Variants in PICALM observed in about 807,000 individuals in gnomAD.
PICALM encodes the protein phosphatidylinositol-binding clathrin assembly protein.
In PICALM, 40 loss-of-function variants were observed where a neutral mutation model predicts 80.5. The observed-to-expected ratio is 0.50, with a 90% confidence interval of 0.39 to 0.65. The LOEUF (loss-of-function observed/expected upper bound fraction) is 0.65. Ranked by LOEUF, PICALM falls within the 30% of genes least tolerant of loss-of-function variation. PICALM has a pLI of 0.00. For missense variants in PICALM, 676 were observed against 778.9 expected (o/e 0.87, Z 1.57); for synonymous variants, 288 against 260.3 (o/e 1.11, Z -1.02).
At chr11:85,968,947 AACACACACAC>A (rs57641869) in intron 19 of PICALM, among the ~76,000 whole-genome samples, 1,723 of 144,088 alleles carry the variant, frequency 0.012, 16 homozygotes, top group South Asian at 0.028. Context: ...AAAATGACTC[AACACACACAC>A]ACACACACAC....
intron 4 of PICALM, among the ~76,000 whole-genome samples, chr11:86,017,062 A>G (rs1381812968): frequency 2.0e-5 from 3 of 152,094 alleles, no homozygotes; most frequent in Admixed American, 6.5e-5. Flanking sequence ...TCTCTACTAA[A>G]AAATACAAAA....
At position 86,011,091 on chromosome 11, in the gene PICALM, T is replaced by A. The variant is rs748011602; in HGVS notation, c.704A>T (p.Asp235Val). Residue 235 changes from aspartate (D) to valine (V), a missense_variant, in exon 7 of 20, where the codon GAC becomes GTC. Asp to Val is a radical substitution (Grantham distance 152). This residue lies in a region of PICALM where 285 missense variants were observed against 395.4 expected (regional missense o/e 0.72). Transcript: ENST00000393346. ...CCTAGTTAGGAACTTCTTATAGATG[T>A]CAAGACCTTCTTTGCATTGGTTCTT... is the stretch of plus-strand genomic sequence containing the variant. ...MKKNQCKEGL[D>V]IYKKFLTRMT... 1.3e-6 allele frequency: 2 copies of A among 1,538,218 alleles called. No individual in the cohort carries two copies. Among genetic ancestry groups the A allele is most frequent in the East Asian group, 2.3e-5 (1 of 44,274 alleles).
At chr11:86,002,950 G>A (rs1041940009) in intron 9 of PICALM, among the ~76,000 whole-genome samples, 1 of 152,086 alleles carries the variant, frequency 6.6e-6, no homozygotes, top group African/African-American at 2.4e-5. Flanking sequence ...GGTGGAAGTT[G>A]CAAGTGAGTT....
chr11:86,024,437 C>T (rs542080888), intron 3 of PICALM, among the ~76,000 whole-genome samples: 167 of 134,878 alleles, frequency 1.2e-3, no homozygotes, highest in African/African-American at 4.3e-3. Context: ...AAAAAATTCC[C>T]CTGATCTTTT....
intron 2 of PICALM, among the ~76,000 whole-genome samples, chr11:86,028,386 A>C (rs1051492834): frequency 6.6e-6 from 1 of 152,232 alleles, no homozygotes; most frequent in Non-Finnish European, 1.5e-5. Context: ...TATTGTGTAT[A>C]TTAGAAACTT....
intron 12 of PICALM, among the ~76,000 whole-genome samples, chr11:85,995,064 A>G (rs2094915828): frequency 6.6e-6 from 1 of 152,204 alleles, no homozygotes; most frequent in South Asian, 2.1e-4. Context: ...CTTTAATTTT[A>G]AAAATTAAAA....
At chr11:85,985,436 A>AC (rs749904886) in intron 13 of PICALM, among the ~76,000 whole-genome samples, 2 of 152,224 alleles carry the variant, frequency 1.3e-5, no homozygotes, top group Non-Finnish European at 2.9e-5. Flanking sequence ...TAGAGAATGT[A>AC]CCAGTTTGAT....
chr11:86,047,772 G>A (rs755165913), intron 1 of PICALM, among the ~76,000 whole-genome samples: 1 of 152,148 alleles, frequency 6.6e-6, no homozygotes, highest in Non-Finnish European at 1.5e-5. Flanking sequence ...ATAAGCCCAA[G>A]GACAGGAAGC....
At chr11:86,052,890 G>C (rs1206685818) in intron 1 of PICALM, among the ~76,000 whole-genome samples, 2 of 152,150 alleles carry the variant, frequency 1.3e-5, no homozygotes, top group East Asian at 3.8e-4. Flanking sequence ...AAATCTCTTT[G>C]TTCCTCAAAC....
chr11:85,991,287 G>C (rs1479966268), intron 12 of PICALM, among the ~76,000 whole-genome samples: 1 of 152,078 alleles, frequency 6.6e-6, no homozygotes, highest in Non-Finnish European at 1.5e-5. Flanking sequence ...ATTAAAATAA[G>C]AGGATACTCC....
intron 8 of PICALM, 134 bp downstream of exon 8, chr11:86,007,408 T>C: frequency 3.5e-6 from 2 of 577,500 alleles, no homozygotes; most frequent in East Asian, 3.4e-5. Context: ...TCTTCAGGAA[T>C]ACATCAAAAT....
intron 19 of PICALM, 69 bp from the exon 20 acceptor site, chr11:85,959,129 T>C: frequency 8.8e-7 from 1 of 1,131,196 alleles, no homozygotes. Context: ...AAAAATGCTT[T>C]GTGGTCTTTA....
intron 1 of PICALM, among the ~76,000 whole-genome samples, chr11:86,051,794 G>A (rs1255266867): frequency 6.6e-6 from 1 of 152,134 alleles, no homozygotes; most frequent in African/African-American, 2.4e-5. Context: ...TGTGAGCTAA[G>A]AAGCTCCCCT....
At position 86,032,420 on chromosome 11, in the gene PICALM, C is replaced by T. The variant is rs139075858; in HGVS notation, c.131-809G>A. Among the ~76,000 whole-genome samples the T allele has an allele frequency of 3.5e-4, 53 of 152,196 alleles. 1 individual carries two copies. In the East Asian group the frequency reaches 8.5e-3, roughly 24 times the overall value. On this transcript the variant is annotated intron_variant, in intron 1 of 19. Coordinates refer to ENST00000393346, the MANE Select transcript of PICALM (RefSeq NM_007166.4). ...GGTGGATCACCCAAGATCAGGAGTT[C>T]GAGACCAGCCTGGCCAATATGCTGA...
At chr11:86,063,642 G>GA (rs1279321013) in intron 1 of PICALM, among the ~76,000 whole-genome samples, 1 of 151,928 alleles carries the variant, frequency 6.6e-6, no homozygotes, top group East Asian at 1.9e-4. Flanking sequence ...CATGGCGACA[G>GA]AAAAAATAAA....
intron 19 of PICALM, among the ~76,000 whole-genome samples, chr11:85,963,378 A>C (rs918635078): frequency 6.6e-6 from 1 of 152,134 alleles, no homozygotes; most frequent in African/African-American, 2.4e-5. Flanking sequence ...ACAAAACAAA[A>C]ACAAAAAGAG....
At chr11:86,028,732 T>G (rs2095694448) in intron 2 of PICALM, among the ~76,000 whole-genome samples, 1 of 152,172 alleles carries the variant, frequency 6.6e-6, no homozygotes, top group Admixed American at 6.5e-5. Flanking sequence ...CCTTACCTTT[T>G]GAGATTTTTC....
At chr11:85,997,802 GACAAGAGTCTC>G (rs1466793779) in intron 11 of PICALM, among the ~76,000 whole-genome samples, 1 of 150,968 alleles carries the variant, frequency 6.6e-6, no homozygotes, top group Non-Finnish European at 1.5e-5. Flanking sequence ...CTTTTTTTGA[GACAAGAGTCTC>G]ACTCTGTTGT....
intron 1 of PICALM, among the ~76,000 whole-genome samples, chr11:86,062,859 TACTAAGACAGA>T (rs2137750911): frequency 6.6e-6 from 1 of 152,274 alleles, no homozygotes; most frequent in South Asian, 2.1e-4. Context: ...ACTGGGAACA[TACTAAGACAGA>T]ACACAAAGTA....
Sources: gnomAD v4.1 joint callset for allele counts (sites outside exome capture counted in the v4.1 genomes callset) on GRCh38, gnomAD v4.1.1 for gene constraint, gnomAD v4.1.1 regional missense constraint, MANE v1.5 for transcripts, NCBI Gene and HGNC (gene_info 2026-07-23, HGNC 2026-07-21) for gene names.